The following CEP89 variants were observed in gnomAD, a reference collection of about 807,000 sequenced individuals.
CEP89 encodes the protein centrosomal protein 89.
In CEP89, 95 loss-of-function variants were observed where a neutral mutation model predicts 97.6. The ratio of observed to expected loss-of-function variants is 0.97; its 90% CI spans 0.82 to 1.15. CEP89 has a LOEUF of 1.15. CEP89 is among the 50% of genes most tolerant of loss of function. The probability of loss-of-function intolerance (pLI) is 0.00; values close to 1 mark genes in which losing one functional copy is unlikely to be tolerated. For missense variants in CEP89, 869 were observed against 947.7 expected (o/e 0.92, Z 1.09); for synonymous variants, 354 against 349.1 (o/e 1.01, Z -0.16).
chr19:32,921,033 C>A (rs1426565918), intron 12 of CEP89, among the ~76,000 whole-genome samples: 1 of 151,180 alleles, frequency 6.6e-6, no homozygotes, highest in East Asian at 2.0e-4. Context: ...GCCTGTCCAA[C>A]GTGGTGAAAC....
At chr19:32,888,443 G>C (rs1355380288) in intron 16 of CEP89, among the ~76,000 whole-genome samples, 1 of 152,142 alleles carries the variant, frequency 6.6e-6, no homozygotes, top group African/African-American at 2.4e-5. Context: ...GTGGTGACAA[G>C]TTTGATTTTC....
intron 14 of CEP89, among the ~76,000 whole-genome samples, chr19:32,903,496 A>G (rs975391481): frequency 3.3e-5 from 5 of 152,242 alleles, no homozygotes; most frequent in African/African-American, 1.2e-4. Context: ...AGAGAAAAAT[A>G]GCATGCTGGG....
chr19:32,890,757 G>A (rs988018243), intron 16 of CEP89, among the ~76,000 whole-genome samples: 5 of 152,124 alleles, frequency 3.3e-5, no homozygotes, highest in African/African-American at 1.2e-4. Context: ...CCCTGAGACT[G>A]GTGCAGGGAG....
intron 17 of CEP89, among the ~76,000 whole-genome samples, chr19:32,886,384 C>G (rs191379471): frequency 6.6e-6 from 1 of 152,286 alleles, no homozygotes; most frequent in Admixed American, 6.5e-5. Context: ...CCCTCCACCT[C>G]GCAGCCCCAT....
chr19:32,890,792 C>T (rs1312683493), intron 16 of CEP89, among the ~76,000 whole-genome samples: 2 of 152,154 alleles, frequency 1.3e-5, no homozygotes, highest in Non-Finnish European at 2.9e-5. Context: ...TGTGACCCCA[C>T]TGCTCCAGAG....
chr19:32,955,082 T>A (rs1370142644), intron 3 of CEP89, among the ~76,000 whole-genome samples: 1 of 152,112 alleles, frequency 6.6e-6, no homozygotes, highest in African/African-American at 2.4e-5. Flanking sequence ...CCTCCCCAGC[T>A]CAAGTGATCC....
intron 16 of CEP89, among the ~76,000 whole-genome samples, chr19:32,890,289 A>C (rs1318118215): frequency 2.0e-5 from 3 of 152,108 alleles, no homozygotes; most frequent in African/African-American, 7.2e-5. Context: ...AGTCCCAGCT[A>C]CTCAGGAGGC....
Position 32,936,781 on chromosome 19 carries a change from G to C in CEP89, c.667+850C>G, listed in dbSNP as rs976438302. Among the ~76,000 whole-genome samples, 5 of 152,104 alleles carry C rather than the reference G, an allele frequency of 3.3e-5. No homozygotes were observed. The highest frequency in any genetic ancestry group is 9.7e-5 in the African/African-American group (4 of 41,420). On this transcript the variant is annotated intron_variant, in intron 7 of 18. Transcript: ENST00000305768. The surrounding 1 kb of genome is among the most constrained non-coding windows in gnomAD (Gnocchi z 4.5). ...GGTCAGAATAACCAGCTGCAGAGAA[G>C]AACAACCCTCTCCAGGGCTTCCTCT... is the stretch of plus-strand genomic sequence containing the variant.
intron 5 of CEP89, among the ~76,000 whole-genome samples, chr19:32,947,627 A>T (rs865935366): frequency 1.3e-5 from 2 of 152,038 alleles, no homozygotes; most frequent in South Asian, 4.2e-4. Context: ...ACTAGCTAGG[A>T]CCACAGGTAC....
chr19:32,904,546 G>T (rs1969849789), intron 14 of CEP89, among the ~76,000 whole-genome samples: 1 of 151,194 alleles, frequency 6.6e-6, no homozygotes, highest in African/African-American at 2.4e-5. Context: ...TTTTTCTCAT[G>T]ATGATAGCCT....
chr19:32,932,223 G>A (rs1474063796), intron 8 of CEP89, among the ~76,000 whole-genome samples: 1 of 150,794 alleles, frequency 6.6e-6, no homozygotes, highest in Non-Finnish European at 1.5e-5. Flanking sequence ...TAGAATACAT[G>A]GAAAATGTAT....
chr19:32,937,787 A>C (rs1970609475), intron 6 of CEP89, 114 bp from the exon 7 acceptor site: 1 of 752,398 alleles, frequency 1.3e-6, no homozygotes, highest in Admixed American at 2.5e-5. Flanking sequence ...TATTTCCTTC[A>C]TTTTGACTCT....
chr19:32,902,770 T>G (rs572485400), intron 14 of CEP89, among the ~76,000 whole-genome samples: 7 of 152,278 alleles, frequency 4.6e-5, no homozygotes, highest in Admixed American at 4.6e-4. Flanking sequence ...TCTAGAGACC[T>G]TGAAGGGTCT....
chr19:32,937,565 T>TA (rs1394824874), intron 7 of CEP89, 66 bp downstream of exon 7: 1 of 1,200,212 alleles, frequency 8.3e-7, no homozygotes, highest in Non-Finnish European at 1.2e-6. Flanking sequence ...TATTTTCAGA[T>TA]AAAATTAATC....
intron 14 of CEP89, among the ~76,000 whole-genome samples, chr19:32,908,708 T>C (rs1192376829): frequency 2.0e-5 from 3 of 152,214 alleles, no homozygotes; most frequent in Non-Finnish European, 4.4e-5. Flanking sequence ...CCCCTTCCCA[T>C]GTTGGCATCA....
rs967325320 is a variant in CEP89 at position 32,937,387 on chromosome 19, T to A, written c.667+244A>T. The A allele has an allele frequency of 4.4e-5, 20 of 456,810 alleles. No homozygotes were observed. In the Admixed American group the frequency reaches 7.6e-4, roughly 17 times the overall value. 28.3% of individuals were successfully genotyped at this position (456,810 alleles called of 1,614,324 possible). On this transcript the variant is annotated intron_variant, in intron 7 of 18. Coordinates refer to ENST00000305768, the MANE Select transcript of CEP89 (RefSeq NM_032816.5). ...CAGGTCCACCTCCCTTCCCCCAGGATCCCAGCATATCCCACAGGTCCACGT... is the reference window on the plus strand; with the variant it reads ...CAGGTCCACCTCCCTTCCCCCAGGAACCCAGCATATCCCACAGGTCCACGT...
chr19:32,878,328 C>T lies in CEP89; in HGVS notation c.*834G>A, dbSNP rs1969206849. The T allele has an allele frequency of 6.6e-6, 1 of 152,236 alleles. No homozygotes were observed. 9.4% of individuals were successfully genotyped at this position (152,236 alleles called of 1,614,324 possible). On this transcript the variant is annotated 3_prime_UTR_variant, in exon 19 of 19. Transcript: ENST00000305768. Reference sequence around the variant, plus strand: ...GATAGAGAAGGGCTAGGGGAGAGGGCAGAAAAGGTTTGTACAACTTAGAGG... The same window carrying T: ...GATAGAGAAGGGCTAGGGGAGAGGGTAGAAAAGGTTTGTACAACTTAGAGG...
Position 32,877,773 on chromosome 19 carries a change from A to C in CEP89, c.*1389T>G, listed in dbSNP as rs1477751219. 2 of 152,018 alleles carry C rather than the reference A, an allele frequency of 1.3e-5. No individual in the cohort carries two copies. Among genetic ancestry groups the C allele is most frequent in the Non-Finnish European group, 2.9e-5 (2 of 68,068 alleles). 9.4% of individuals were successfully genotyped at this position (152,018 alleles called of 1,614,324 possible). On this transcript the variant is annotated 3_prime_UTR_variant, in exon 19 of 19. Transcript: ENST00000305768. ...CAAGACCCCATCTCTACCAAAAAAA[A>C]AATTTTTTTTTTTTGAGACAAAGTC...
At chr19:32,886,234 T>C (rs904311930) in intron 17 of CEP89, among the ~76,000 whole-genome samples, 85 of 152,368 alleles carry the variant, frequency 5.6e-4, no homozygotes, top group African/African-American at 1.9e-3. Flanking sequence ...TAGGAACTTA[T>C]GCTTCTATTT....
Sources: gnomAD v4.1 joint callset for allele counts (sites outside exome capture counted in the v4.1 genomes callset) on GRCh38, gnomAD v4.1.1 for gene constraint, Gnocchi (gnomAD v3.1) non-coding constraint, MANE v1.5 for transcripts, NCBI Gene and HGNC (gene_info 2026-07-23, HGNC 2026-07-21) for gene names.